ZNF469: variants seen among roughly 807,000 people sequenced by gnomAD.
ZNF469 encodes zinc finger protein 469.
Under a neutral mutation model 1.0 loss-of-function variants are expected in ZNF469, and 1 was observed. The observed-to-expected ratio is 1.00, with a 90% confidence interval of 0.35 to 4.73. ZNF469 has a LOEUF of 4.73. ZNF469 is among the 30% of genes most tolerant of loss of function. The pLI is 0.16. For synonymous variants in ZNF469, 2,703 were observed against 2,363.4 expected (o/e 1.14, Z -4.17); for missense variants, 6,100 against 5,356.3 (o/e 1.14, Z -4.33).
At chr16:88,304,466 G>A in the ZNF469 span, among the ~76,000 whole-genome samples, 9 of 152,194 alleles carry the variant, frequency 5.9e-5, no homozygotes, top group Non-Finnish European at 8.8e-5. Context: ...CTCCAAGAGC[G>A]GAGAGAGCTG....
chr16:88,203,431 C>T, the ZNF469 span, among the ~76,000 whole-genome samples: 1 of 152,142 alleles, frequency 6.6e-6, no homozygotes, highest in Non-Finnish European at 1.5e-5. Context: ...CACAGCAGCC[C>T]AGGGAGCAGG....
chr16:88,394,117 AGGAGC>A (rs1225894118), intron 1 of ZNF469, among the ~76,000 whole-genome samples: 8 of 151,282 alleles, frequency 5.3e-5, no homozygotes, highest in East Asian at 1.9e-4. Context: ...GCTGTCTGAG[AGGAGC>A]GGGGTTTGAC....
At chr16:88,192,883 ATGGTGGTGGTGATGG>A in the ZNF469 span, among the ~76,000 whole-genome samples, 7 of 139,598 alleles carry the variant, frequency 5.0e-5, no homozygotes, top group African/African-American at 5.4e-5. Context: ...GATGATGATG[ATGGTGGTGGTGATGG>A]TGGTGATGAT....
upstream of ZNF469, among the ~76,000 whole-genome samples, chr16:88,381,458 T>G (rs986247932): frequency 6.6e-6 from 1 of 152,154 alleles, no homozygotes; most frequent in African/African-American, 2.4e-5. Context: ...ATTGAAGTCT[T>G]TCTTAGAAAC....
chr16:88,408,548 G>A (rs565146741), intron 1 of ZNF469, among the ~76,000 whole-genome samples: 17 of 151,530 alleles, frequency 1.1e-4, no homozygotes, highest in African/African-American at 2.7e-4. Context: ...GGCTGTCACC[G>A]TAGAACCCTC....
chr16:88,287,273 A>C, the ZNF469 span, among the ~76,000 whole-genome samples: 4 of 152,252 alleles, frequency 2.6e-5, no homozygotes, highest in Non-Finnish European at 5.9e-5. Context: ...GTCAACGGAC[A>C]CAGGAGTTTC....
chr16:88,386,536 G>A (rs991026485), intron 1 of ZNF469, among the ~76,000 whole-genome samples: 57 of 152,240 alleles, frequency 3.7e-4, no homozygotes, highest in African/African-American at 1.3e-3. Flanking sequence ...CATCCCCCTT[G>A]ACGAAGGGGC....
the ZNF469 span, among the ~76,000 whole-genome samples, chr16:88,267,506 G>C: frequency 6.6e-6 from 1 of 152,230 alleles, no homozygotes; most frequent in Non-Finnish European, 1.5e-5. Context: ...CACGGACACA[G>C]AGCAGCACGT....
chr16:88,133,101 G>A, the ZNF469 span, among the ~76,000 whole-genome samples: 5,066 of 152,008 alleles, frequency 0.033, no homozygotes, highest in African/African-American at 0.11. Flanking sequence ...GTAGCTTTGC[G>A]GGAGAGCACT....
the ZNF469 span, among the ~76,000 whole-genome samples, chr16:88,294,327 C>G: frequency 6.6e-6 from 1 of 152,204 alleles, no homozygotes; most frequent in Non-Finnish European, 1.5e-5. Flanking sequence ...AACACACCAT[C>G]TAAGCACCCG....
chr16:88,273,804 A>T, the ZNF469 span, among the ~76,000 whole-genome samples: 1,050 of 135,220 alleles, frequency 7.8e-3, 8 homozygotes, highest in African/African-American at 0.024. Flanking sequence ...ACTGTGGAAT[A>T]TTTTTTTTTT....
the ZNF469 span, among the ~76,000 whole-genome samples, chr16:88,134,747 G>A: frequency 2.0e-4 from 30 of 152,348 alleles, no homozygotes; most frequent in African/African-American, 7.0e-4. Context: ...CCTGGGCCTC[G>A]AGCAAGCTGG....
At chr16:88,135,321 T>A in the ZNF469 span, among the ~76,000 whole-genome samples, 5 of 152,264 alleles carry the variant, frequency 3.3e-5, no homozygotes, top group African/African-American at 1.2e-4. Context: ...GTTCTACTGC[T>A]CAATGTTTGG....
At chr16:88,200,061 G>A in the ZNF469 span, among the ~76,000 whole-genome samples, 9 of 152,210 alleles carry the variant, frequency 5.9e-5, no homozygotes, top group African/African-American at 2.2e-4. Context: ...GGTCAAACAG[G>A]CGAGGGCTGG....
the ZNF469 span, among the ~76,000 whole-genome samples, chr16:88,170,316 T>C: frequency 6.6e-6 from 1 of 152,180 alleles, no homozygotes; most frequent in Non-Finnish European, 1.5e-5. The surrounding 1 kb of genome is among the most constrained non-coding windows in gnomAD (Gnocchi z 4.2). Flanking sequence ...GGACCTGCTC[T>C]TCTCAAATTT....
At chr16:88,187,530 C>A in the ZNF469 span, among the ~76,000 whole-genome samples, 3 of 152,194 alleles carry the variant, frequency 2.0e-5, no homozygotes, top group Non-Finnish European at 4.4e-5. Flanking sequence ...GAACATGGCA[C>A]CAGCCGGGAC....
the ZNF469 span, among the ~76,000 whole-genome samples, chr16:88,318,432 G>T: frequency 1.6e-3 from 219 of 140,140 alleles, 2 homozygotes; most frequent in African/African-American, 5.1e-3. Context: ...TGCCCCAGCT[G>T]CATCTCAGGA....
At chr16:88,389,887 T>G (rs1054853308) in intron 1 of ZNF469, among the ~76,000 whole-genome samples, 2 of 152,126 alleles carry the variant, frequency 1.3e-5, no homozygotes, top group Non-Finnish European at 2.9e-5. Flanking sequence ...TCCTGAACAC[T>G]TACCTGTCCA....
intron 1 of ZNF469, among the ~76,000 whole-genome samples, chr16:88,395,800 C>T (rs1044118686): frequency 1.3e-5 from 2 of 152,188 alleles, no homozygotes; most frequent in African/African-American, 2.4e-5. Flanking sequence ...TGCCACCATG[C>T]GGGGTGCACA....
Sources: gnomAD v4.1 joint callset for allele counts (sites outside exome capture counted in the v4.1 genomes callset) on GRCh38, gnomAD v4.1.1 for gene constraint, Gnocchi (gnomAD v3.1) non-coding constraint, MANE v1.5 for transcripts, NCBI Gene and HGNC (gene_info 2026-07-23, HGNC 2026-07-21) for gene names.